OR51B5: variants seen among roughly 807,000 people sequenced by gnomAD.
OR51B5 encodes the protein olfactory receptor 51B5.
For missense variants in OR51B5, 456 were observed against 374.6 expected (o/e 1.22, Z -1.79); for synonymous variants, 186 against 144.8 (o/e 1.28, Z -2.04).
intron 1 of OR51B5, among the ~76,000 whole-genome samples, chr11:5,452,627 C>T (rs868036963): frequency 6.9e-6 from 1 of 145,722 alleles, no homozygotes; most frequent in Non-Finnish European, 1.5e-5. Flanking sequence ...TGTGAATGAG[C>T]GTCTTCTTAG....
At chr11:5,423,844 A>G (rs953814926) in intron 1 of OR51B5, among the ~76,000 whole-genome samples, 2 of 152,212 alleles carry the variant, frequency 1.3e-5, no homozygotes, top group African/African-American at 4.8e-5. Flanking sequence ...CTACCTTGCT[A>G]GAGTTTTTCA....
At chr11:5,393,627 T>C (rs1312549013) in intron 1 of OR51B5, among the ~76,000 whole-genome samples, 2 of 152,132 alleles carry the variant, frequency 1.3e-5, no homozygotes, top group Non-Finnish European at 2.9e-5. Flanking sequence ...ATTATGATCA[T>C]GATAAATGCT....
chr11:5,450,959 G>A (rs1014924765), intron 1 of OR51B5, among the ~76,000 whole-genome samples: 1 of 152,090 alleles, frequency 6.6e-6, no homozygotes, highest in African/African-American at 2.4e-5. Flanking sequence ...AGAGAGAAGA[G>A]AGTCTTAAAA....
rs778181271 is a variant in OR51B5, at chr11:5,423,010, C to T, written n.85-76100G>A. On this transcript the variant is annotated intron_variant and non_coding_transcript_variant, in intron 1 of 4. Coordinates refer to the OR51B5 transcript ENST00000415970. ...TGACTCATCGCTTTGCCAAGCATGC[C>T]TCTCCACTGGTCCATGTTATCATGG... is the stretch of plus-strand genomic sequence containing the variant. 3.7e-6 allele frequency: 6 copies of T among 1,614,020 alleles called. No individual in the cohort carries two copies. In the Admixed American group the frequency reaches 5.0e-5, roughly 13 times the overall value.
upstream of OR51B5, among the ~76,000 whole-genome samples, chr11:5,347,258 T>G (rs1038675747): frequency 6.6e-6 from 1 of 152,182 alleles, no homozygotes; most frequent in Non-Finnish European, 1.5e-5. Context: ...AAAGCCTATA[T>G]ATCTTCTTGG....
chr11:5,361,357 C>A (rs905706668), intron 1 of OR51B5, among the ~76,000 whole-genome samples: 1 of 151,982 alleles, frequency 6.6e-6, no homozygotes, highest in African/African-American at 2.4e-5. Context: ...AGGAGTGGGC[C>A]GTAGGGAGGA....
At chr11:5,421,007 C>A (rs926177158) in intron 1 of OR51B5, among the ~76,000 whole-genome samples, 1 of 152,196 alleles carries the variant, frequency 6.6e-6, no homozygotes, top group African/African-American at 2.4e-5. Context: ...AGAAGGAAGT[C>A]TTTTAGAACT....
intron 1 of OR51B5, chr11:5,489,246 A>C (rs747735830): frequency 3.7e-6 from 6 of 1,613,962 alleles, no homozygotes; most frequent in Non-Finnish European, 5.1e-6. Context: ...TGACACACAC[A>C]TACTGTGAGC....
intron 1 of OR51B5, among the ~76,000 whole-genome samples, chr11:5,504,633 G>A (rs1243559525): frequency 2.0e-5 from 3 of 152,038 alleles, no homozygotes; most frequent in African/African-American, 7.3e-5. Flanking sequence ...CCAAGCACAA[G>A]CTTTGGTCCT....
intron 1 of OR51B5, among the ~76,000 whole-genome samples, chr11:5,502,578 A>G (rs529638666): frequency 2.2e-4 from 34 of 152,344 alleles, no homozygotes; most frequent in African/African-American, 7.9e-4. Context: ...TTATAAACCA[A>G]TAATCATTTG....
intron 1 of OR51B5, among the ~76,000 whole-genome samples, chr11:5,461,891 A>G (rs1206458061): frequency 6.6e-6 from 1 of 152,130 alleles, no homozygotes; most frequent in Non-Finnish European, 1.5e-5. Flanking sequence ...TCCACTCTGG[A>G]TGCCTTCTTT....
At chr11:5,397,519 T>G (rs1237477254) in intron 1 of OR51B5, among the ~76,000 whole-genome samples, 36 of 150,068 alleles carry the variant, frequency 2.4e-4, no homozygotes, top group African/African-American at 8.8e-4. Context: ...TCACACCAGT[T>G]AGAATGGCAA....
intron 1 of OR51B5, among the ~76,000 whole-genome samples, chr11:5,362,229 T>C (rs4910767): frequency 0.38 from 57,514 of 151,820 alleles, 11,079 homozygotes; most frequent in Non-Finnish European, 0.41. Flanking sequence ...GATCCCGTGT[T>C]TCTGTCGGGG....
chr11:5,400,143 A>G (rs1849944889), intron 1 of OR51B5, among the ~76,000 whole-genome samples: 1 of 152,182 alleles, frequency 6.6e-6, no homozygotes, highest in Non-Finnish European at 1.5e-5. Context: ...TAAGGTCAAT[A>G]ATTTGCCCCT....
chr11:5,476,253 G>T (rs746624033), intron 1 of OR51B5, among the ~76,000 whole-genome samples: 2 of 152,016 alleles, frequency 1.3e-5, no homozygotes, highest in African/African-American at 2.4e-5. Context: ...CTATAAACTC[G>T]TTTAAATTTG....
chr11:5,373,282 G>T (rs1268389960), intron 1 of OR51B5, among the ~76,000 whole-genome samples: 1 of 152,160 alleles, frequency 6.6e-6, no homozygotes, highest in Non-Finnish European at 1.5e-5. Flanking sequence ...TTGATTTGAA[G>T]AAAATTTTCA....
intron 1 of OR51B5, among the ~76,000 whole-genome samples, chr11:5,431,901 A>G (rs1020729569): frequency 6.6e-6 from 1 of 152,208 alleles, no homozygotes; most frequent in Non-Finnish European, 1.5e-5. Flanking sequence ...TTATGGATGC[A>G]TAATATTTGT....
chr11:5,440,924 G>T (rs1850675812), intron 1 of OR51B5: 2 of 1,613,854 alleles, frequency 1.2e-6, no homozygotes, highest in Admixed American at 3.3e-5. Flanking sequence ...CATAAATGTT[G>T]TTAACATGGA....
chr11:5,420,601 GATT>G (rs1255007651), intron 1 of OR51B5, among the ~76,000 whole-genome samples: 3 of 151,862 alleles, frequency 2.0e-5, no homozygotes, highest in Admixed American at 2.0e-4. Flanking sequence ...CACTTTTAAA[GATT>G]ATATCTACTT....
Sources: allele counts gnomAD v4.1 joint callset (sites outside exome capture counted in the v4.1 genomes callset), GRCh38; gene constraint gnomAD v4.1.1; transcripts MANE v1.5; gene names NCBI Gene and HGNC (gene_info 2026-07-23, HGNC 2026-07-21).